Variants in NKAIN2 observed in about 807,000 individuals in gnomAD.
NKAIN2 encodes sodium/potassium-transporting ATPase subunit beta-1-interacting protein 2.
A neutral mutation model predicts 32.6 loss-of-function variants in NKAIN2; 14 were observed. That is an observed-to-expected ratio of 0.43 (90% CI 0.28 to 0.67). The LOEUF (loss-of-function observed/expected upper bound fraction) is 0.67. Among genes scored for constraint, NKAIN2 ranks in the 30% least tolerant of loss-of-function variants. The pLI, the probability that NKAIN2 is intolerant of heterozygous loss-of-function variation, is 0.17. For synonymous variants in NKAIN2, 80 were observed against 87.2 expected (o/e 0.92, Z 0.46); for missense variants, 198 against 258.3 (o/e 0.77, Z 1.60).
At chr6:124,339,793 A>G (rs6914597) in intron 2 of NKAIN2, among the ~76,000 whole-genome samples, 151,608 of 152,242 alleles carry the variant, frequency 1, 75,490 homozygotes, top group Middle Eastern at 1. Context: ...TCTTCGAGAG[A>G]GCCATTTCCC....
chr6:123,976,460 G>T (rs1174121163), intron 1 of NKAIN2, among the ~76,000 whole-genome samples: 3 of 141,270 alleles, frequency 2.1e-5, no homozygotes, highest in Non-Finnish European at 3.1e-5. Context: ...TCATGTGATT[G>T]TGGGGACTAA....
At chr6:124,494,200 G>A (rs1777981098) in intron 3 of NKAIN2, among the ~76,000 whole-genome samples, 1 of 152,018 alleles carries the variant, frequency 6.6e-6, no homozygotes, top group African/African-American at 2.4e-5. Flanking sequence ...TTGAGAAAGG[G>A]ATGTTGTTTT....
intron 4 of NKAIN2, among the ~76,000 whole-genome samples, chr6:124,759,781 G>A (rs1778171708): frequency 1.3e-5 from 2 of 152,066 alleles, no homozygotes; most frequent in East Asian, 3.9e-4. Context: ...ACAGCGTTGG[G>A]AGGTGGAGCC....
chr6:124,595,471 C>G (rs576118988), intron 3 of NKAIN2, among the ~76,000 whole-genome samples: 8 of 152,308 alleles, frequency 5.3e-5, no homozygotes, highest in African/African-American at 1.2e-4. Flanking sequence ...ACTTGGTAGC[C>G]AGGCTTCCAA....
intron 1 of NKAIN2, among the ~76,000 whole-genome samples, chr6:123,909,880 A>ACGG (rs1775084584): frequency 6.6e-6 from 1 of 151,734 alleles, no homozygotes; most frequent in African/African-American, 2.4e-5. Context: ...TTAGCACGTA[A>ACGG]GTGTGCAATA....
rs563544246 is a variant in NKAIN2 at position 124,279,209 on chromosome 6, C to T, written c.55-3796C>T. Among the ~76,000 whole-genome samples, 26 of 152,072 alleles carry T rather than the reference C, an allele frequency of 1.7e-4. No individual in the cohort carries two copies. The South Asian group carries it at 3.5e-3, about 21-fold the overall frequency. On this transcript the variant is annotated intron_variant, in intron 1 of 6. Transcript: ENST00000368417. Reference sequence around the variant, plus strand: ...TAATGTGACTGGATGGTTTTCTCTACGTTTATTAAGAGTTTTGGCCAGGTG... The same window carrying T: ...TAATGTGACTGGATGGTTTTCTCTATGTTTATTAAGAGTTTTGGCCAGGTG...
intron 1 of NKAIN2, among the ~76,000 whole-genome samples, chr6:124,170,381 C>A (rs1252009752): frequency 6.6e-6 from 1 of 152,144 alleles, no homozygotes; most frequent in Non-Finnish European, 1.5e-5. Flanking sequence ...GAACACTATG[C>A]CATTTCCATA....
At chr6:124,182,391 T>G (rs994508095) in intron 1 of NKAIN2, among the ~76,000 whole-genome samples, 1 of 152,222 alleles carries the variant, frequency 6.6e-6, no homozygotes, top group Non-Finnish European at 1.5e-5. Context: ...CAAGTCATTA[T>G]GAGTTACTTG....
intron 1 of NKAIN2, among the ~76,000 whole-genome samples, chr6:124,145,379 C>T (rs1351851048): frequency 2.0e-5 from 3 of 152,170 alleles, no homozygotes; most frequent in African/African-American, 7.2e-5. Flanking sequence ...TGTTCTTTAA[C>T]AGGTGAATGG....
intron 2 of NKAIN2, among the ~76,000 whole-genome samples, chr6:124,332,049 A>G (rs1366893844): frequency 6.6e-6 from 1 of 152,146 alleles, no homozygotes; most frequent in African/African-American, 2.4e-5. Flanking sequence ...GAAGAAGCTA[A>G]TATATATAGT....
At chr6:124,585,590 A>G (rs1476849342) in intron 3 of NKAIN2, among the ~76,000 whole-genome samples, 1 of 152,240 alleles carries the variant, frequency 6.6e-6, no homozygotes, top group Non-Finnish European at 1.5e-5. Flanking sequence ...ACGAAGATTG[A>G]AAATGTTTTT....
Position 124,235,905 on chromosome 6 carries a change from AT to A in NKAIN2, c.55-47091del, listed in dbSNP as rs898619864. 6.0e-5 allele frequency among the ~76,000 whole-genome samples: 9 copies of A among 149,408 alleles called. 1 individual carries two copies. Among genetic ancestry groups the A allele is most frequent in the South Asian group, 4.2e-4 (2 of 4,732 alleles). On this transcript the variant is annotated intron_variant, in intron 1 of 6. Coordinates refer to ENST00000368417, the MANE Select transcript of NKAIN2 (RefSeq NM_001040214.3). ...AGCCACTGCACCTGGCCTAGTTTTT[AT>A]TTTTTTTTCTATTTAATTTTTCATG...
chr6:124,333,155 G>A (rs1048597958), intron 2 of NKAIN2, among the ~76,000 whole-genome samples: 4 of 152,092 alleles, frequency 2.6e-5, no homozygotes, highest in Admixed American at 1.3e-4. Context: ...ACTCAATATA[G>A]AATATATGTA....
At chr6:124,330,670 A>G (rs1797613972) in intron 2 of NKAIN2, among the ~76,000 whole-genome samples, 1 of 152,178 alleles carries the variant, frequency 6.6e-6, no homozygotes, top group African/African-American at 2.4e-5. Flanking sequence ...TCTCAGTCCT[A>G]AAGGAACACA....
chr6:124,810,589 A>G (rs943378924), intron 5 of NKAIN2, among the ~76,000 whole-genome samples: 8 of 152,110 alleles, frequency 5.3e-5, no homozygotes, highest in Non-Finnish European at 1.0e-4. Flanking sequence ...CATGTCACTA[A>G]CCTGCACATT....
At chr6:123,968,657 C>A (rs375006174) in intron 1 of NKAIN2, among the ~76,000 whole-genome samples, 185 of 152,290 alleles carry the variant, frequency 1.2e-3, no homozygotes, top group Middle Eastern at 3.4e-3. Context: ...CTCTATGGCT[C>A]ACAGTGTGGC....
At chr6:124,593,692 T>C (rs958926728) in intron 3 of NKAIN2, among the ~76,000 whole-genome samples, 1 of 152,122 alleles carries the variant, frequency 6.6e-6, no homozygotes, top group Non-Finnish European at 1.5e-5. Flanking sequence ...AATAATCAGA[T>C]TTGAATTTCC....
chr6:123,866,801 A>C (rs1239312374), intron 1 of NKAIN2, among the ~76,000 whole-genome samples: 1 of 152,092 alleles, frequency 6.6e-6, no homozygotes, highest in East Asian at 1.9e-4. Flanking sequence ...AAACCTGTCT[A>C]ATCCCTTAGT....
At chr6:124,282,811 T>C (rs778222634) in intron 1 of NKAIN2, among the ~76,000 whole-genome samples, 194 bp from the exon 2 acceptor site, 1 of 152,222 alleles carries the variant, frequency 6.6e-6, no homozygotes, top group Non-Finnish European at 1.5e-5. Flanking sequence ...TAGGTGTCTA[T>C]AGATCCACAG....
Sources: allele counts gnomAD v4.1 joint callset (sites outside exome capture counted in the v4.1 genomes callset), GRCh38; gene constraint gnomAD v4.1.1; transcripts MANE v1.5; gene names NCBI Gene and HGNC (gene_info 2026-07-23, HGNC 2026-07-21).